The following CEP162 variants were observed in gnomAD, a reference collection of about 807,000 sequenced individuals.
CEP162 encodes the protein centrosomal protein 162.
A neutral mutation model predicts 169.2 loss-of-function variants in CEP162; 141 were observed. The observed-to-expected ratio is 0.83, with a 90% CI of 0.73 to 0.96. CEP162 has a LOEUF of 0.96. CEP162 is among the 40% of genes least tolerant of loss of function. The pLI, the probability that CEP162 is intolerant of heterozygous loss-of-function variation, is 0.00. For missense variants in CEP162, 1,600 were observed against 1,587.2 expected (o/e 1.01, Z -0.14); for synonymous variants, 540 against 526.4 (o/e 1.03, Z -0.35).
chr6:84,190,728 AC>A (rs1204207501), intron 11 of CEP162, among the ~76,000 whole-genome samples: 1 of 152,132 alleles, frequency 6.6e-6, no homozygotes, highest in Non-Finnish European at 1.5e-5. Flanking sequence ...CAGACGCGCC[AC>A]CTTAAGAGCT....
At chr6:84,220,313 T>C (rs2099553182) in intron 3 of CEP162, among the ~76,000 whole-genome samples, 1 of 152,140 alleles carries the variant, frequency 6.6e-6, no homozygotes, top group South Asian at 2.1e-4. Flanking sequence ...TGTTTACAGA[T>C]GTGGCAGTAT....
Position 84,186,530 on chromosome 6 carries a change from A to C in CEP162, c.1203T>G (p.His401Gln). Residue 401 changes from histidine to glutamine, a missense_variant, in exon 12 of 27, where the codon CAT (histidine) becomes CAG (glutamine). Coordinates refer to ENST00000403245, the MANE Select transcript of CEP162 (RefSeq NM_014895.4). ...NPNILSQDSQ[H>Q]VNLFFDKNDE... ...CATTTTTGTCAAAAAAAAGGTTCACATGTTGTGAGTCTTGAGACAAAATAT... is the reference window on the plus strand; with the variant it reads ...CATTTTTGTCAAAAAAAAGGTTCACCTGTTGTGAGTCTTGAGACAAAATAT... 6.2e-7 allele frequency: 1 copy of C among 1,613,104 alleles called. No homozygotes were observed. Among genetic ancestry groups the C allele is most frequent in the South Asian group, 1.1e-5 (1 of 91,042 alleles).
chr6:84,155,214 C>A lies in CEP162; in HGVS notation c.2994+84G>T, dbSNP rs57481317. The stretch of plus-strand genomic sequence containing the variant: ...GTTTCATGGGAAAGAATGTTTATAG[C>A]TATTTGTTAAAGTGAGATCCTAAGA... On this transcript the variant is annotated intron_variant, in intron 22 of 26. Transcript: ENST00000403245. The A allele has an allele frequency of 1.5e-5, 15 of 1,016,860 alleles. No homozygotes were observed. In the Middle Eastern group the frequency reaches 6.4e-4, roughly 43 times the overall value. 63.0% of individuals were successfully genotyped at this position (1,016,860 alleles called of 1,614,324 possible).
At chr6:84,154,391 T>A (rs1421538007) in intron 22 of CEP162, among the ~76,000 whole-genome samples, 1 of 151,712 alleles carries the variant, frequency 6.6e-6, no homozygotes, top group African/African-American at 2.4e-5. Flanking sequence ...TATCTATCTA[T>A]CTATCTATGT....
chr6:84,137,065 T>C (rs188255786), intron 25 of CEP162, among the ~76,000 whole-genome samples: 63 of 152,340 alleles, frequency 4.1e-4, no homozygotes, highest in Admixed American at 1.3e-3. Context: ...TTGTGGAGCA[T>C]GCGGCATCTA....
At chr6:84,130,751 CTTCTT>C (rs568135393) in intron 25 of CEP162, among the ~76,000 whole-genome samples, 1 of 152,004 alleles carries the variant, frequency 6.6e-6, no homozygotes, top group African/African-American at 2.4e-5. Flanking sequence ...TCTCTCTTCT[CTTCTT>C]TATTAATTTG....
intron 25 of CEP162, among the ~76,000 whole-genome samples, chr6:84,143,957 G>A (rs2099517751): frequency 6.6e-6 from 1 of 151,898 alleles, no homozygotes. Flanking sequence ...CTCACTATGC[G>A]ACTTTCTGTA....
At chr6:84,210,353 T>C (rs1045424691) in intron 6 of CEP162, among the ~76,000 whole-genome samples, 5 of 152,232 alleles carry the variant, frequency 3.3e-5, no homozygotes, top group African/African-American at 4.8e-5. Flanking sequence ...CTTTCTCCTC[T>C]GCCATGTTGG....
At chr6:84,174,987 G>A (rs572422370) in intron 14 of CEP162, 33 bp from the exon 15 acceptor site, 13 of 1,362,936 alleles carry the variant, frequency 9.5e-6, no homozygotes, top group African/African-American at 1.4e-5. Context: ...CATTACAGTA[G>A]ACTTATGTAT....
At chr6:84,192,721 T>A (rs1439542344) in intron 11 of CEP162, among the ~76,000 whole-genome samples, 1 of 152,216 alleles carries the variant, frequency 6.6e-6, no homozygotes, top group Non-Finnish European at 1.5e-5. Context: ...TTTATGGAGA[T>A]CAAAGACCTG....
chr6:84,165,473 C>T (rs1217869316), intron 18 of CEP162, among the ~76,000 whole-genome samples: 1 of 152,002 alleles, frequency 6.6e-6, no homozygotes, highest in Admixed American at 6.6e-5. Context: ...CTGATAACCC[C>T]CTCTTCTGTC....
intron 10 of CEP162, 33 bp from the exon 11 acceptor site, chr6:84,193,723 A>C: frequency 7.3e-7 from 1 of 1,371,172 alleles, no homozygotes; most frequent in Non-Finnish European, 1.0e-6. Flanking sequence ...GAAACGAAAA[A>C]TGTTATGTAG....
intron 24 of CEP162, among the ~76,000 whole-genome samples, 170 bp from the exon 25 acceptor site, chr6:84,146,955 A>G (rs2099519158): frequency 6.6e-6 from 1 of 152,122 alleles, no homozygotes; most frequent in African/African-American, 2.4e-5. Flanking sequence ...AAAACTAAAA[A>G]TAGAATTACC....
intron 25 of CEP162, among the ~76,000 whole-genome samples, chr6:84,138,587 T>A (rs985235713): frequency 6.6e-6 from 1 of 152,188 alleles, no homozygotes; most frequent in Admixed American, 6.5e-5. Flanking sequence ...TGTCATTACC[T>A]TTACTCAGGA....
chr6:84,207,575 G>C (rs2099547699), intron 6 of CEP162, among the ~76,000 whole-genome samples: 1 of 119,736 alleles, frequency 8.4e-6, no homozygotes, highest in South Asian at 3.3e-4. Context: ...CATGGGGCGG[G>C]GGGAGGGGGG....
At chr6:84,208,943 T>C (rs1352291539) in intron 6 of CEP162, among the ~76,000 whole-genome samples, 2 of 152,160 alleles carry the variant, frequency 1.3e-5, no homozygotes, top group Non-Finnish European at 2.9e-5. Flanking sequence ...AGATTAGACT[T>C]GCTTAAGAAA....
intron 6 of CEP162, among the ~76,000 whole-genome samples, chr6:84,205,062 T>C (rs1273023092): frequency 1.3e-5 from 2 of 152,146 alleles, no homozygotes; most frequent in Non-Finnish European, 2.9e-5. Context: ...TAACAGGATC[T>C]GAAATTGAGG....
intron 9 of CEP162, among the ~76,000 whole-genome samples, chr6:84,199,866 C>T (rs750982036): frequency 6.6e-6 from 1 of 152,134 alleles, no homozygotes; most frequent in Non-Finnish European, 1.5e-5. Flanking sequence ...CATTACTGTC[C>T]TCATCTATTT....
chr6:84,211,068 A>C (rs945664311), intron 6 of CEP162, among the ~76,000 whole-genome samples: 1 of 152,224 alleles, frequency 6.6e-6, no homozygotes, highest in African/African-American at 2.4e-5. Flanking sequence ...AAGTGTCACG[A>C]AACTAAATAG....
Sources: allele counts gnomAD v4.1 joint callset (sites outside exome capture counted in the v4.1 genomes callset), GRCh38; gene constraint gnomAD v4.1.1; transcripts MANE v1.5; gene names NCBI Gene and HGNC (gene_info 2026-07-23, HGNC 2026-07-21).